Variants in CAST observed in about 807,000 individuals in gnomAD.
CAST encodes the protein calpastatin.
Under a neutral mutation model 119.6 loss-of-function variants are expected in CAST, and 76 were observed. The observed-to-expected ratio is 0.64, with a 90% confidence interval of 0.53 to 0.77. The LOEUF (loss-of-function observed/expected upper bound fraction) is 0.77. Among genes scored for constraint, CAST ranks in the 30% least tolerant of loss-of-function variants. The probability of loss-of-function intolerance (pLI) is 0.00; values close to 1 mark genes in which losing one functional copy is unlikely to be tolerated. For missense variants in CAST, 953 were observed against 946.5 expected (o/e 1.01, Z -0.09); for synonymous variants, 319 against 331.6 (o/e 0.96, Z 0.41).
chr5:96,605,082 C>T (rs1747228071), intron 1 of CAST, among the ~76,000 whole-genome samples: 1 of 152,138 alleles, frequency 6.6e-6, no homozygotes, highest in Non-Finnish European at 1.5e-5. Context: ...CAAGGTCTCT[C>T]ACTACCTAGG....
At chr5:96,224,489 G>A in the CAST span, among the ~76,000 whole-genome samples, 49,613 of 151,916 alleles carry the variant, frequency 0.33, 8,441 homozygotes, top group Admixed American at 0.43. Context: ...TTAAGAGTGA[G>A]GCAGAGGAAG....
At chr5:96,100,922 GTATA>G in the CAST span, among the ~76,000 whole-genome samples, 1 of 151,964 alleles carries the variant, frequency 6.6e-6, no homozygotes, top group East Asian at 1.9e-4. Context: ...GTGTGTGTGT[GTATA>G]TATATATGTA....
chr5:96,707,437 A>T (rs2150343045), intron 3 of CAST, among the ~76,000 whole-genome samples: 2 of 150,916 alleles, frequency 1.3e-5, no homozygotes, highest in East Asian at 3.9e-4. Context: ...CCCGGGCTGG[A>T]GTGCAGTGGC....
chr5:96,409,558 A>T, the CAST span, among the ~76,000 whole-genome samples: 3 of 152,226 alleles, frequency 2.0e-5, no homozygotes, highest in East Asian at 5.8e-4. Context: ...ACAAAGATAG[A>T]AAATCTTTCT....
At chr5:96,023,250 T>G in the CAST span, among the ~76,000 whole-genome samples, 1 of 152,338 alleles carries the variant, frequency 6.6e-6, no homozygotes, top group East Asian at 1.9e-4. Context: ...CTAGGAAACC[T>G]GGATGTAAGA....
intron 1 of CAST, among the ~76,000 whole-genome samples, chr5:96,645,089 T>C (rs1290852479): frequency 6.6e-6 from 1 of 152,260 alleles, no homozygotes; most frequent in African/African-American, 2.4e-5. Context: ...TCACTATATT[T>C]AGTCATCATG....
At chr5:96,425,035 AG>A in the CAST span, among the ~76,000 whole-genome samples, 48 of 141,516 alleles carry the variant, frequency 3.4e-4, no homozygotes, top group South Asian at 1.8e-3. Flanking sequence ...AAAGAAAGAA[AG>A]AAAGAAAGAA....
the CAST span, among the ~76,000 whole-genome samples, chr5:96,427,582 G>C: frequency 2.6e-5 from 4 of 152,018 alleles, no homozygotes; most frequent in African/African-American, 7.3e-5. Context: ...ATAATGTCTT[G>C]AGATTCCACC....
chr5:96,694,710 A>G (rs924016503), intron 2 of CAST, among the ~76,000 whole-genome samples: 1 of 152,232 alleles, frequency 6.6e-6, no homozygotes, highest in Non-Finnish European at 1.5e-5. Flanking sequence ...AGAAAGAGAA[A>G]GAGATACAGG....
the CAST span, among the ~76,000 whole-genome samples, chr5:96,319,555 G>A: frequency 6.6e-6 from 1 of 152,180 alleles, no homozygotes; most frequent in Non-Finnish European, 1.5e-5. Context: ...AATGTGAATA[G>A]TAAGACCAAT....
intron 9 of CAST, among the ~76,000 whole-genome samples, chr5:96,735,612 G>GAC (rs1354696355): frequency 1.3e-5 from 2 of 152,222 alleles, no homozygotes; most frequent in African/African-American, 2.4e-5. Flanking sequence ...AGGGAGAGAT[G>GAC]CTCCAAGGGT....
At chr5:96,429,580 T>C in the CAST span, among the ~76,000 whole-genome samples, 2 of 152,162 alleles carry the variant, frequency 1.3e-5, no homozygotes, top group South Asian at 4.1e-4. Flanking sequence ...CCATTAGTTA[T>C]TTTTTTCTGA....
the CAST span, among the ~76,000 whole-genome samples, chr5:96,326,633 T>C: frequency 6.6e-6 from 1 of 152,046 alleles, no homozygotes; most frequent in Non-Finnish European, 1.5e-5. Context: ...CCATTGTTTG[T>C]TTGCAGGCCT....
chr5:96,727,487 AG>A lies in CAST; in HGVS notation c.337del, dbSNP rs1422991337. 1 of 1,530,518 alleles carries A rather than the reference AG, an allele frequency of 6.5e-7. No individual in the cohort carries two copies. The highest frequency in any genetic ancestry group is 8.9e-7 in the Non-Finnish European group (1 of 1,120,018). The allele number at this position is 1,530,518 out of a possible 1,614,324, so 94.8% of individuals were successfully genotyped here. On this transcript the variant is annotated splice_acceptor_variant, in intron 5 of 31. Coordinates refer to ENST00000675179, the MANE Select transcript of CAST (RefSeq NM_001750.7). LOFTEE classifies it high-confidence loss of function. ...TTTTTCTTTCTTTTTTTCTGAACTTAGGCTGTAAAAACAGAACCTGAGAAGA... is the reference window on the plus strand; with the variant it reads ...TTTTTCTTTCTTTTTTTCTGAACTTAGCTGTAAAAACAGAACCTGAGAAGA...
the CAST span, among the ~76,000 whole-genome samples, chr5:96,460,612 A>G: frequency 6.6e-6 from 1 of 152,282 alleles, no homozygotes; most frequent in African/African-American, 2.4e-5. Context: ...GTTAGAATTA[A>G]AAGTGACATT....
At chr5:96,752,990 A>G (rs1191249041) in intron 20 of CAST, among the ~76,000 whole-genome samples, 1 of 140,716 alleles carries the variant, frequency 7.1e-6, no homozygotes, top group Non-Finnish European at 1.5e-5. Context: ...ACACACACAC[A>G]CTCTTACATT....
chr5:96,223,783 A>G, the CAST span, among the ~76,000 whole-genome samples: 1 of 152,160 alleles, frequency 6.6e-6, no homozygotes, highest in South Asian at 2.1e-4. Context: ...AGAGATCGTC[A>G]ATGTCCTGGG....
At chr5:96,230,352 T>C in the CAST span, among the ~76,000 whole-genome samples, 1 of 152,138 alleles carries the variant, frequency 6.6e-6, no homozygotes, top group Non-Finnish European at 1.5e-5. Flanking sequence ...GTCTTCTCTT[T>C]ATCAATTTAA....
chr5:96,749,779 C>G (rs1157278668), intron 19 of CAST, among the ~76,000 whole-genome samples: 1 of 152,194 alleles, frequency 6.6e-6, no homozygotes, highest in Non-Finnish European at 1.5e-5. Context: ...CTCCTGGACT[C>G]CAGTGATCCA....
Sources: allele counts gnomAD v4.1 joint callset (sites outside exome capture counted in the v4.1 genomes callset), GRCh38; gene constraint gnomAD v4.1.1; transcripts MANE v1.5; gene names NCBI Gene and HGNC (gene_info 2026-07-23, HGNC 2026-07-21).